Variants in PSPC1 observed in about 807,000 individuals in gnomAD.
PSPC1 encodes the protein paraspeckle component 1.
In PSPC1, 14 loss-of-function variants were observed where a neutral mutation model predicts 51.6. That is an observed-to-expected ratio of 0.27 (90% CI 0.18 to 0.42). The LOEUF (loss-of-function observed/expected upper bound fraction) is 0.42, where lower values mean the gene tolerates loss of function less well. PSPC1 is among the 10% of genes least tolerant of loss of function. PSPC1 has a pLI of 1.00. For missense variants in PSPC1, 406 were observed against 701.1 expected (o/e 0.58, Z 4.75); for synonymous variants, 193 against 231.9 (o/e 0.83, Z 1.53).
chr13:19,711,879 G>A (rs1881491352), intron 6 of PSPC1, among the ~76,000 whole-genome samples: 1 of 150,256 alleles, frequency 6.7e-6, no homozygotes. Context: ...ATATAAAATT[G>A]CTACTCATCA....
At position 19,735,820 on chromosome 13, in the gene PSPC1, C is replaced by A. The variant is rs1393095268; in HGVS notation, c.1053-5476G>T. On this transcript the variant is annotated intron_variant, in intron 5 of 8. Coordinates refer to ENST00000338910, the MANE Select transcript of PSPC1 (RefSeq NM_001354909.2). ...CCTTTATACATACTGCAAAACTACT[C>A]AAAAAAAAAATTTTTTTTTTGAGAC... is the stretch of plus-strand genomic sequence containing the variant. Among the ~76,000 whole-genome samples, 10 of 150,168 alleles carry A rather than the reference C, an allele frequency of 6.7e-5. No homozygotes were observed. The Admixed American group carries it at 6.7e-4, about 10-fold the overall frequency.
intron 6 of PSPC1, among the ~76,000 whole-genome samples, chr13:19,715,570 T>C (rs772136211): frequency 3.3e-5 from 5 of 152,158 alleles, no homozygotes; most frequent in East Asian, 1.9e-4. Flanking sequence ...AGTCAAAATG[T>C]AGGCAAAACT....
At chr13:19,673,641 T>TAGG (rs796315559), downstream of PSPC1, among the ~76,000 whole-genome samples, 93 of 152,252 alleles carry the variant, frequency 6.1e-4, no homozygotes, top group African/African-American at 2.2e-3. Flanking sequence ...AAGAAGACAG[T>TAGG]AGGAGGAGTC....
intron 1 of PSPC1, among the ~76,000 whole-genome samples, chr13:19,775,709 C>T (rs917464244): frequency 2.6e-5 from 4 of 152,132 alleles, no homozygotes; most frequent in African/African-American, 9.7e-5. Context: ...CCTAATACAT[C>T]ATATAATCCA....
intron 6 of PSPC1, among the ~76,000 whole-genome samples, chr13:19,719,589 A>C (rs1882526131): frequency 6.6e-6 from 1 of 152,256 alleles, no homozygotes; most frequent in Non-Finnish European, 1.5e-5. Context: ...TACTGTGTTC[A>C]TTAACTTGAC....
chr13:19,780,117 G>T (rs1593798777), intron 1 of PSPC1, among the ~76,000 whole-genome samples: 1 of 58,622 alleles, frequency 1.7e-5, no homozygotes, highest in Non-Finnish European at 3.9e-5. Context: ...CCGGCCAGCC[G>T]CCCCGTCCGG....
chr13:19,751,018 CT>C (rs1414284911), intron 4 of PSPC1, among the ~76,000 whole-genome samples: 1 of 152,004 alleles, frequency 6.6e-6, no homozygotes, highest in African/African-American at 2.4e-5. Context: ...ATCCATCTGC[CT>C]TGGCCCCCCA....
chr13:19,690,371 C>T (rs2137640665), intron 6 of PSPC1, among the ~76,000 whole-genome samples: 1 of 152,310 alleles, frequency 6.6e-6, no homozygotes, highest in South Asian at 2.1e-4. Context: ...CTAGAAGACC[C>T]TTCTGAGCAT....
At chr13:19,777,358 A>T (rs1421065971) in intron 1 of PSPC1, among the ~76,000 whole-genome samples, 2 of 128,752 alleles carry the variant, frequency 1.6e-5, no homozygotes, top group African/African-American at 6.0e-5. Flanking sequence ...TTAGTCCAGG[A>T]GGCGGGGGTT....
At chr13:19,768,778 G>C (rs574324957) in intron 2 of PSPC1, among the ~76,000 whole-genome samples, 1 of 150,996 alleles carries the variant, frequency 6.6e-6, no homozygotes, top group Non-Finnish European at 1.5e-5. Context: ...TTAGTCATCA[G>C]GAAAATAAAA....
chr13:19,688,130 C>T (rs1440668288), intron 6 of PSPC1, among the ~76,000 whole-genome samples: 1 of 152,074 alleles, frequency 6.6e-6, no homozygotes, highest in African/African-American at 2.4e-5. Flanking sequence ...GTCTAATGCT[C>T]CCACCTCCAA....
intron 6 of PSPC1, among the ~76,000 whole-genome samples, chr13:19,684,031 C>T (rs1292870996): frequency 6.6e-6 from 1 of 152,086 alleles, no homozygotes; most frequent in East Asian, 1.9e-4. Context: ...TAGAGAAAAG[C>T]TTGGAATGGA....
chr13:19,723,607 G>A (rs1883034324), intron 6 of PSPC1, among the ~76,000 whole-genome samples: 2 of 152,112 alleles, frequency 1.3e-5, no homozygotes, highest in African/African-American at 2.4e-5. Flanking sequence ...TTGGAGGAGT[G>A]ATCAAATAAC....
intron 4 of PSPC1, 53 bp downstream of exon 4, chr13:19,751,217 AC>A (rs1298762696): frequency 7.0e-6 from 10 of 1,430,504 alleles, no homozygotes; most frequent in Non-Finnish European, 9.3e-6. Flanking sequence ...AATGGTACAC[AC>A]ACTTAAGGGA....
chr13:19,761,477 G>C lies in PSPC1; in HGVS notation c.675-2059C>G, dbSNP rs114872898. ...TTCAGAGAGAAAAAACTAAGCTAGA[G>C]AGATGAAGGGTTTTTGGACTCCAAA... On this transcript the variant is annotated intron_variant, in intron 2 of 8. Coordinates refer to ENST00000338910, the MANE Select transcript of PSPC1 (RefSeq NM_001354909.2). Among the ~76,000 whole-genome samples the C allele has an allele frequency of 4.9e-3, 741 of 152,210 alleles. 8 individuals carry two copies. The highest frequency in any genetic ancestry group is 0.017 in the African/African-American group (719 of 41,526).
At chr13:19,733,526 C>T (rs1050312934) in intron 5 of PSPC1, among the ~76,000 whole-genome samples, 1 of 151,820 alleles carries the variant, frequency 6.6e-6, no homozygotes, top group Non-Finnish European at 1.5e-5. Flanking sequence ...TCTGGGAGGC[C>T]GAGACGGGCA....
chr13:19,730,975 A>AAAC (rs1464549934), intron 5 of PSPC1, among the ~76,000 whole-genome samples: 1 of 147,824 alleles, frequency 6.8e-6, no homozygotes, highest in Non-Finnish European at 1.5e-5. Flanking sequence ...CAAAAAAAAA[A>AAAC]AAAACAGAAA....
chr13:19,760,583 T>C (rs1355486562), intron 2 of PSPC1, among the ~76,000 whole-genome samples: 1 of 150,996 alleles, frequency 6.6e-6, no homozygotes, highest in Non-Finnish European at 1.5e-5. Flanking sequence ...TTCGGCGAAG[T>C]GGCTCAAACC....
chr13:19,781,689 GAAAT>G (rs1333353232), intron 1 of PSPC1, among the ~76,000 whole-genome samples: 1 of 152,146 alleles, frequency 6.6e-6, no homozygotes, highest in Non-Finnish European at 1.5e-5. Flanking sequence ...ACTGAGGTGA[GAAAT>G]AAAGTGGCAG....
Sources: allele counts gnomAD v4.1 joint callset (sites outside exome capture counted in the v4.1 genomes callset), GRCh38; gene constraint gnomAD v4.1.1; transcripts MANE v1.5; gene names NCBI Gene and HGNC (gene_info 2026-07-23, HGNC 2026-07-21).